The following ADAMTS17 variants were observed in gnomAD, a reference collection of about 807,000 sequenced individuals.
ADAMTS17 encodes ADAM metallopeptidase with thrombospondin type 1 motif 17, also known as A disintegrin and metalloproteinase with thrombospondin motifs 17.
ADAMTS17 carries 113 observed loss-of-function variants against 141.5 expected under a neutral mutation model. The ratio of observed to expected loss-of-function variants is 0.80; its 90% CI spans 0.69 to 0.93. The LOEUF (loss-of-function observed/expected upper bound fraction) is 0.93, where lower values mean the gene tolerates loss of function less well. ADAMTS17 is among the 40% of genes least tolerant of loss of function. The pLI is 0.00. For missense variants in ADAMTS17, 1,659 were observed against 1,517.9 expected (o/e 1.09, Z -1.54); for synonymous variants, 768 against 630.6 (o/e 1.22, Z -3.27).
intron 7 of ADAMTS17, among the ~76,000 whole-genome samples, chr15:100,219,317 G>A (rs1330059760): frequency 6.6e-6 from 1 of 152,186 alleles, no homozygotes; most frequent in Non-Finnish European, 1.5e-5. Flanking sequence ...AACCACTTTA[G>A]TACATAGCTT....
intron 20 of ADAMTS17, chr15:99,978,441 C>T (rs1264621211): frequency 1.3e-5 from 2 of 152,246 alleles, no homozygotes; most frequent in Non-Finnish European, 2.9e-5. Context: ...AACTGGAACC[C>T]GGGCTCTGAC....
At chr15:100,097,198 T>C (rs2035815073) in intron 14 of ADAMTS17, among the ~76,000 whole-genome samples, 1 of 152,256 alleles carries the variant, frequency 6.6e-6, no homozygotes, top group Admixed American at 6.5e-5. Context: ...TTTTGTATCC[T>C]GCAAAATAAC....
chr15:100,262,765 T>C (rs1187489088), intron 4 of ADAMTS17, among the ~76,000 whole-genome samples: 1 of 150,690 alleles, frequency 6.6e-6, no homozygotes, highest in African/African-American at 2.4e-5. Context: ...AAAATATAGG[T>C]TGTACTCTTC....
At chr15:100,340,539 C>T (rs2046332133) in intron 2 of ADAMTS17, among the ~76,000 whole-genome samples, 1 of 152,182 alleles carries the variant, frequency 6.6e-6, no homozygotes, top group African/African-American at 2.4e-5. Context: ...GGTACCTCTC[C>T]AAACTTCCTG....
chr15:100,221,571 A>G (rs2042135519), intron 7 of ADAMTS17, among the ~76,000 whole-genome samples: 2 of 152,122 alleles, frequency 1.3e-5, no homozygotes. Context: ...ACCTCCCTTT[A>G]ATTACAATAC....
rs552106511 is a variant in ADAMTS17, at chr15:100,132,195, A to T, written c.1576-43T>A. The T allele has an allele frequency of 3.1e-6, 5 of 1,602,566 alleles. No homozygotes were observed. In the Admixed American group the frequency reaches 8.4e-5, roughly 27 times the overall value. Reference sequence around the variant, plus strand: ...GGGTCGGGGCCCAGGCACTCAGCAGAGCTGCTCACTCCAGCCCGCCAGGCC... The same window carrying T: ...GGGTCGGGGCCCAGGCACTCAGCAGTGCTGCTCACTCCAGCCCGCCAGGCC... On this transcript the variant is annotated intron_variant, in intron 11 of 21. Coordinates refer to ENST00000268070, the MANE Select transcript of ADAMTS17 (RefSeq NM_139057.4).
intron 18 of ADAMTS17, among the ~76,000 whole-genome samples, chr15:99,998,951 C>T (rs981068542): frequency 1.3e-4 from 20 of 152,344 alleles, no homozygotes; most frequent in Admixed American, 9.1e-4. Context: ...TCCTGAATCC[C>T]GCCCCAAACC....
intron 7 of ADAMTS17, among the ~76,000 whole-genome samples, chr15:100,216,394 T>C (rs929429340): frequency 1.3e-5 from 2 of 152,214 alleles, no homozygotes; most frequent in African/African-American, 4.8e-5. Context: ...AACCTCTAAA[T>C]GCTTTTATCA....
chr15:100,275,318 T>A (rs1344697224), intron 4 of ADAMTS17, among the ~76,000 whole-genome samples: 1 of 152,150 alleles, frequency 6.6e-6, no homozygotes, highest in Admixed American at 6.5e-5. Flanking sequence ...GTGGGGGGCC[T>A]TCCCCATCCA....
chr15:100,234,153 C>A (rs73478094), intron 7 of ADAMTS17, among the ~76,000 whole-genome samples: 1 of 152,008 alleles, frequency 6.6e-6, no homozygotes, highest in Non-Finnish European at 1.5e-5. Flanking sequence ...GAGGTCTGAT[C>A]GGGAATATAT....
At position 100,261,621 on chromosome 15, in the gene ADAMTS17, C is replaced by A. The variant is rs1363065821; in HGVS notation, c.889G>T (p.Gly297Trp). The stretch of plus-strand genomic sequence containing the variant: ...TCCAGGGACCGCTCACCATGGTGCC[C>A]AATGGACAACTTAGCCTAAAAAAAG... The part of the protein sequence containing the change: ...LRQRPAKLSI[G>W]HHGERSLESF... The change falls in exon 6 of 22, where the codon GGG becomes TGG. Residue 297 changes from glycine (G) to tryptophan (W), a missense_variant. Coordinates refer to ENST00000268070, the MANE Select transcript of ADAMTS17 (RefSeq NM_139057.4). 6 of 1,613,794 alleles carry A rather than the reference C, an allele frequency of 3.7e-6. No homozygotes were observed. Among genetic ancestry groups the A allele is most frequent in the East Asian group, 4.5e-5 (2 of 44,870 alleles).
chr15:100,046,846 G>A (rs2031728666), intron 18 of ADAMTS17, among the ~76,000 whole-genome samples: 2 of 152,166 alleles, frequency 1.3e-5, no homozygotes, highest in Admixed American at 6.5e-5. Flanking sequence ...TAGAGCATGT[G>A]TGTTTGAACA....
At chr15:99,985,019 G>A (rs1018065300) in intron 20 of ADAMTS17, among the ~76,000 whole-genome samples, 4 of 152,194 alleles carry the variant, frequency 2.6e-5, no homozygotes, top group Non-Finnish European at 2.9e-5. Flanking sequence ...ACTTCCCCGC[G>A]GCCACCCCTC....
chr15:100,137,249 A>G (rs957510467), intron 10 of ADAMTS17, among the ~76,000 whole-genome samples: 1 of 152,208 alleles, frequency 6.6e-6, no homozygotes, highest in African/African-American at 2.4e-5. Flanking sequence ...AAACCCAGAC[A>G]AGGCAGAAAT....
intron 8 of ADAMTS17, among the ~76,000 whole-genome samples, chr15:100,163,672 G>C (rs1567287681): frequency 6.6e-6 from 1 of 152,114 alleles, no homozygotes; most frequent in Non-Finnish European, 1.5e-5. Context: ...AATTCTATCT[G>C]ATGCTCTAAG....
chr15:99,984,281 A>T (rs1352914751), intron 20 of ADAMTS17, among the ~76,000 whole-genome samples: 1 of 152,124 alleles, frequency 6.6e-6, no homozygotes, highest in Non-Finnish European at 1.5e-5. Flanking sequence ...GGCAGCTCTC[A>T]TCCTCTTTCC....
At chr15:100,272,999 G>A (rs534351502) in intron 4 of ADAMTS17, among the ~76,000 whole-genome samples, 58 of 151,466 alleles carry the variant, frequency 3.8e-4, no homozygotes, top group Admixed American at 5.2e-4. Flanking sequence ...TTTTTTTATT[G>A]ATTTGCCTAT....
chr15:100,065,029 A>C (rs1388250039), intron 15 of ADAMTS17, among the ~76,000 whole-genome samples: 1 of 152,206 alleles, frequency 6.6e-6, no homozygotes, highest in Admixed American at 6.5e-5. Flanking sequence ...GAAATCATGG[A>C]AATACCTATT....
rs111591552 is a variant in ADAMTS17 at position 100,320,191 on chromosome 15, C to CA, written c.616+10697dup. Among the ~76,000 whole-genome samples the CA allele has an allele frequency of 3.2e-3, 487 of 152,064 alleles. 2 individuals carry two copies. Among genetic ancestry groups the CA allele is most frequent in the African/African-American group, 0.011 (469 of 41,466 alleles). ...AACACAGAGATGGAGACCAAAAACGCAAAAAGATGACACAAAACATGGAGG... is the reference window on the plus strand; with the variant it reads ...AACACAGAGATGGAGACCAAAAACGCAAAAAAGATGACACAAAACATGGAGG... On this transcript the variant is annotated intron_variant, in intron 3 of 21. Transcript: ENST00000268070.
Sources: gnomAD v4.1 joint callset for allele counts (sites outside exome capture counted in the v4.1 genomes callset) on GRCh38, gnomAD v4.1.1 for gene constraint, MANE v1.5 for transcripts, NCBI Gene and HGNC (gene_info 2026-07-23, HGNC 2026-07-21) for gene names.